CDK14: variants seen among roughly 807,000 people sequenced by gnomAD.
CDK14 encodes cyclin dependent kinase 14.
Under a neutral mutation model 60.7 loss-of-function variants are expected in CDK14, and 34 were observed. The observed-to-expected ratio is 0.56, with a 90% CI of 0.43 to 0.75. The LOEUF (loss-of-function observed/expected upper bound fraction) is 0.75. Ranked by LOEUF, CDK14 falls within the 30% of genes least tolerant of loss-of-function variation. The probability of loss-of-function intolerance (pLI) is 0.00; values close to 1 mark genes in which losing one functional copy is unlikely to be tolerated. For missense variants in CDK14, 482 were observed against 564.1 expected, an observed-to-expected ratio of 0.85 and a Z score of 1.47; for synonymous variants, 197 against 203.7, an observed-to-expected ratio of 0.97 and a Z score of 0.28.
intron 2 of CDK14, among the ~76,000 whole-genome samples, chr7:90,644,143 T>G (rs557640568): frequency 6.6e-6 from 1 of 152,298 alleles, no homozygotes; most frequent in Non-Finnish European, 1.5e-5. Flanking sequence ...ATCTGCAAGC[T>G]AGGAAAAGGG....
rs777536891 is a variant in CDK14, at chr7:91,112,723, A to G, written c.1294+42A>G. 1.0e-5 allele frequency: 16 copies of G among 1,604,182 alleles called. No homozygotes were observed. In the South Asian group the frequency reaches 1.5e-4, roughly 15 times the overall value. On this transcript the variant is annotated intron_variant, in intron 13 of 14. Coordinates refer to ENST00000380050, the MANE Select transcript of CDK14 (RefSeq NM_001287135.2). Reference sequence around the variant, plus strand: ...CACAACATCCAGTCCAAGCAGACACATCATTTTATTTTGGCATCTGTATGT... The same window carrying G: ...CACAACATCCAGTCCAAGCAGACACGTCATTTTATTTTGGCATCTGTATGT...
chr7:91,178,765 C>G (rs959870258), intron 14 of CDK14, among the ~76,000 whole-genome samples: 2 of 151,270 alleles, frequency 1.3e-5, no homozygotes, highest in Admixed American at 6.6e-5. Flanking sequence ...TAGATACCAT[C>G]TCACACCAGT....
intron 14 of CDK14, among the ~76,000 whole-genome samples, chr7:91,166,899 C>T (rs1205930181): frequency 2.6e-5 from 4 of 152,152 alleles, no homozygotes; most frequent in Non-Finnish European, 5.9e-5. Context: ...ACCGCCCAGG[C>T]CCTCACTTCA....
intron 9 of CDK14, among the ~76,000 whole-genome samples, chr7:90,972,692 G>T (rs935244722): frequency 1.7e-4 from 26 of 152,298 alleles, no homozygotes; most frequent in African/African-American, 6.0e-4. Context: ...TTTAGATTAT[G>T]TTTTGCATTT....
intron 9 of CDK14, among the ~76,000 whole-genome samples, chr7:90,968,493 T>G (rs1464433793): frequency 7.2e-5 from 11 of 152,236 alleles, no homozygotes; most frequent in African/African-American, 2.4e-4. Context: ...TGTGGCGTTT[T>G]CTATTTCTCT....
chr7:90,846,565 G>GA (rs1212213140), intron 5 of CDK14, among the ~76,000 whole-genome samples: 4 of 152,196 alleles, frequency 2.6e-5, no homozygotes, highest in African/African-American at 9.6e-5. Flanking sequence ...TCTAAAATGG[G>GA]AAAAACATAT....
chr7:90,759,951 C>T (rs180854255), intron 4 of CDK14, among the ~76,000 whole-genome samples: 2 of 152,252 alleles, frequency 1.3e-5, no homozygotes, highest in East Asian at 1.9e-4. Flanking sequence ...AAAAGCCTGC[C>T]CACACTGGTT....
At chr7:91,201,506 T>A (rs1802722722) in intron 14 of CDK14, among the ~76,000 whole-genome samples, 1 of 151,644 alleles carries the variant, frequency 6.6e-6, no homozygotes, top group Admixed American at 6.6e-5. Context: ...AAAAGAGTAC[T>A]TTGAGGAAGG....
At chr7:90,911,707 G>T (rs1792908262) in intron 7 of CDK14, among the ~76,000 whole-genome samples, 1 of 152,104 alleles carries the variant, frequency 6.6e-6, no homozygotes, top group Admixed American at 6.6e-5. Context: ...GAGAGGGACT[G>T]GTTATAATGC....
intron 10 of CDK14, among the ~76,000 whole-genome samples, chr7:91,013,769 C>T (rs2115831542): frequency 6.7e-6 from 1 of 148,552 alleles, no homozygotes; most frequent in South Asian, 2.2e-4. Flanking sequence ...ATGATAATCA[C>T]AAGCTTTATA....
chr7:91,197,111 A>C (rs1467709142), intron 14 of CDK14, among the ~76,000 whole-genome samples: 1 of 152,128 alleles, frequency 6.6e-6, no homozygotes, highest in Admixed American at 6.5e-5. Flanking sequence ...AAAAGTCCCA[A>C]ATCCTAGGCC....
At position 90,998,392 on chromosome 7, in the gene CDK14, C is replaced by CT. The variant is rs879870351; in HGVS notation, c.1041+14160dup. Reference sequence around the variant, plus strand: ...CAGAATACTGTCCACAAAATCCATTCTTTTTTTTTGAGGTAATAGTAAGAT... The same window carrying CT: ...CAGAATACTGTCCACAAAATCCATTCTTTTTTTTTTGAGGTAATAGTAAGAT... On this transcript the variant is annotated intron_variant, in intron 10 of 14. Coordinates refer to ENST00000380050, the MANE Select transcript of CDK14 (RefSeq NM_001287135.2). 3.2e-4 allele frequency among the ~76,000 whole-genome samples: 49 copies of CT among 151,538 alleles called. 1 individual carries two copies. The East Asian group carries it at 4.4e-3, about 14-fold the overall frequency.
chr7:90,943,057 G>A (rs1256620718), intron 8 of CDK14, among the ~76,000 whole-genome samples: 1 of 152,126 alleles, frequency 6.6e-6, no homozygotes, highest in African/African-American at 2.4e-5. Context: ...GGCAGCTAAA[G>A]TGTCGTGCTG....
At chr7:90,618,448 C>G (rs1187815199) in intron 2 of CDK14, among the ~76,000 whole-genome samples, 1 of 151,948 alleles carries the variant, frequency 6.6e-6, no homozygotes, top group African/African-American at 2.4e-5. Flanking sequence ...CTGAAAACAC[C>G]TTGCTTTTGG....
intron 10 of CDK14, among the ~76,000 whole-genome samples, chr7:91,008,832 T>C (rs902041138): frequency 6.6e-6 from 1 of 152,210 alleles, no homozygotes. Flanking sequence ...TGTCATTCTT[T>C]TTAAAAATTT....
intron 8 of CDK14, among the ~76,000 whole-genome samples, chr7:90,930,069 T>C (rs1793541086): frequency 6.6e-6 from 1 of 152,198 alleles, no homozygotes; most frequent in Non-Finnish European, 1.5e-5. Flanking sequence ...AAGAAAACAG[T>C]GTACAGACCA....
chr7:91,105,260 G>A (rs538176060), intron 12 of CDK14, among the ~76,000 whole-genome samples: 19 of 152,188 alleles, frequency 1.2e-4, no homozygotes, highest in Non-Finnish European at 2.2e-4. Flanking sequence ...CAAGGCCTTC[G>A]GCCTGAAGAA....
rs548094210 is a variant in CDK14, at chr7:91,057,581, T to C, written c.1105+11621T>C. Among the ~76,000 whole-genome samples, 275 of 152,348 alleles carry C rather than the reference T, an allele frequency of 1.8e-3. 4 individuals carry two copies. Among genetic ancestry groups the C allele is most frequent in the Non-Finnish European group, 2.1e-3 (145 of 68,030 alleles). ...TTAATCCATCTTGAATTAATTTTTG[T>C]ATAAGGTATAAGGAAGGGATCCATT... On this transcript the variant is annotated intron_variant, in intron 11 of 14. Transcript: ENST00000380050.
chr7:90,848,114 T>C (rs1387651618), intron 5 of CDK14, among the ~76,000 whole-genome samples: 1 of 150,818 alleles, frequency 6.6e-6, no homozygotes, highest in Non-Finnish European at 1.5e-5. Context: ...TCTTTTTTTT[T>C]CTTTTGACAG....
Sources: allele counts gnomAD v4.1 joint callset (sites outside exome capture counted in the v4.1 genomes callset), GRCh38; gene constraint gnomAD v4.1.1; transcripts MANE v1.5; gene names NCBI Gene and HGNC (gene_info 2026-07-23, HGNC 2026-07-21).